XYLB: variants seen among roughly 807,000 people sequenced by gnomAD.
XYLB encodes the protein xylulokinase.
In XYLB, 62 loss-of-function variants were observed where a neutral mutation model predicts 78.7. The observed-to-expected ratio is 0.79, with a 90% CI of 0.64 to 0.97. The LOEUF (loss-of-function observed/expected upper bound fraction) is 0.97. XYLB is among the 50% of genes least tolerant of loss of function. The pLI, the probability that XYLB is intolerant of heterozygous loss-of-function variation, is 0.00. For synonymous variants in XYLB, 245 were observed against 247.4 expected, an observed-to-expected ratio of 0.99 and a Z score of 0.09; for missense variants, 687 against 676.8, an observed-to-expected ratio of 1.02 and a Z score of -0.17.
the XYLB span, among the ~76,000 whole-genome samples, chr3:38,437,633 G>T: frequency 6.6e-6 from 1 of 152,164 alleles, no homozygotes; most frequent in Non-Finnish European, 1.5e-5. Flanking sequence ...TAATGATCTA[G>T]CTGAGAAATA....
chr3:38,422,265 T>C (rs1559630583), downstream of XYLB, among the ~76,000 whole-genome samples: 1 of 152,286 alleles, frequency 6.6e-6, no homozygotes, highest in East Asian at 1.9e-4. Context: ...ATTCAAATTG[T>C]TATATCTACT....
chr3:38,368,767 C>T lies in XYLB; in HGVS notation c.646+510C>T, dbSNP rs191138379. 4.2e-3 allele frequency among the ~76,000 whole-genome samples: 646 copies of T among 152,302 alleles called. 5 individuals carry two copies. Among genetic ancestry groups the T allele is most frequent in the Admixed American group, 6.7e-3 (102 of 15,302 alleles). On this transcript the variant is annotated intron_variant, in intron 8 of 18. Transcript: ENST00000207870. ...GTGCCATCACTTTTGTCTCATCTTA[C>T]TGGTCACACACTAGGTACGGTTGAC...
At chr3:38,357,839 G>A (rs1446970224) in intron 2 of XYLB, among the ~76,000 whole-genome samples, 1 of 151,526 alleles carries the variant, frequency 6.6e-6, no homozygotes, top group Non-Finnish European at 1.5e-5. Context: ...TTAGAGAAAT[G>A]TCTATTAAGA....
intron 2 of XYLB, 140 bp from the exon 3 acceptor site, chr3:38,360,199 T>A (rs1369281618): frequency 2.5e-6 from 2 of 801,300 alleles, no homozygotes; most frequent in African/African-American, 1.7e-5. Context: ...GCCTGTTCAA[T>A]CAACAGTTCC....
At chr3:38,391,308 C>T (rs1707646301) in intron 15 of XYLB, among the ~76,000 whole-genome samples, 1 of 152,156 alleles carries the variant, frequency 6.6e-6, no homozygotes, top group Non-Finnish European at 1.5e-5. Flanking sequence ...GTATCCTCAT[C>T]TTCCCCTCAT....
intron 15 of XYLB, among the ~76,000 whole-genome samples, chr3:38,392,444 C>T (rs1252546198): frequency 6.6e-6 from 1 of 152,016 alleles, no homozygotes; most frequent in Non-Finnish European, 1.5e-5. Flanking sequence ...ATTACAGGCG[C>T]ACACCACCAT....
intron 2 of XYLB, among the ~76,000 whole-genome samples, chr3:38,352,952 C>T (rs1705447501): frequency 6.6e-6 from 1 of 152,322 alleles, no homozygotes; most frequent in African/African-American, 2.4e-5. Context: ...AGGATGGTCT[C>T]GATCTCCCAA....
At chr3:38,442,023 G>A in the XYLB span, among the ~76,000 whole-genome samples, 5 of 152,256 alleles carry the variant, frequency 3.3e-5, no homozygotes, top group Admixed American at 2.0e-4. Context: ...CTGGGTCTCC[G>A]TGATTAGAGT....
At chr3:38,393,434 T>C (rs1707750498) in intron 15 of XYLB, among the ~76,000 whole-genome samples, 1 of 152,210 alleles carries the variant, frequency 6.6e-6, no homozygotes, top group East Asian at 1.9e-4. Context: ...GCATGAACCA[T>C]GGCACCTGAC....
chr3:38,347,012 A>C, intron 1 of XYLB, 87 bp downstream of exon 1: 1 of 1,261,734 alleles, frequency 7.9e-7, no homozygotes, highest in Non-Finnish European at 1.0e-6. Context: ...ACGCGGGAAA[A>C]CATGGGCCCG....
chr3:38,416,097 A>C (rs1166650364), downstream of XYLB, among the ~76,000 whole-genome samples: 1 of 152,184 alleles, frequency 6.6e-6, no homozygotes, highest in African/African-American at 2.4e-5. Context: ...TGGGGATTAC[A>C]ATTCAAGATG....
chr3:38,386,692 T>C (rs752581462), intron 15 of XYLB, among the ~76,000 whole-genome samples: 4 of 152,190 alleles, frequency 2.6e-5, no homozygotes, highest in Admixed American at 2.6e-4. Flanking sequence ...TTTGCACTAA[T>C]ATTATACACT....
At chr3:38,439,896 C>T in the XYLB span, among the ~76,000 whole-genome samples, 2 of 152,174 alleles carry the variant, frequency 1.3e-5, no homozygotes, top group Non-Finnish European at 2.9e-5. Context: ...GTGCAGAGTC[C>T]TCCTTTCTCA....
intron 15 of XYLB, 35 bp downstream of exon 15, chr3:38,379,377 G>T (rs772878968): frequency 2.5e-6 from 4 of 1,605,964 alleles, no homozygotes; most frequent in Non-Finnish European, 3.4e-6. Flanking sequence ...GTCCCGGGGT[G>T]GGGGCTCAGG....
chr3:38,353,234 T>C (rs1215813153), intron 2 of XYLB, among the ~76,000 whole-genome samples: 1 of 152,234 alleles, frequency 6.6e-6, no homozygotes, highest in Non-Finnish European at 1.5e-5. Context: ...AGGTACGTAG[T>C]ATGACATTTG....
chr3:38,400,099 A>G (rs1009708436), intron 17 of XYLB, among the ~76,000 whole-genome samples: 20 of 152,090 alleles, frequency 1.3e-4, no homozygotes, highest in African/African-American at 4.8e-4. Flanking sequence ...TGACGCTACT[A>G]CCTACCTTCC....
chr3:38,438,752 TG>T, the XYLB span, among the ~76,000 whole-genome samples: 1 of 152,184 alleles, frequency 6.6e-6, no homozygotes, highest in Non-Finnish European at 1.5e-5. Context: ...TGCTGCTGGC[TG>T]GGGTGGCCAG....
In XYLB at chr3:38,374,453, C is replaced by A; in HGVS notation, c.848-9C>A. The A allele has an allele frequency of 6.2e-7, 1 of 1,614,070 alleles. No individual in the cohort carries two copies. Among genetic ancestry groups the A allele is most frequent in the Non-Finnish European group, 8.5e-7 (1 of 1,179,970 alleles). On this transcript the variant is annotated splice_polypyrimidine_tract_variant and intron_variant, in intron 10 of 18. Transcript: ENST00000207870. ...GCCAGCTAACCAGAAGCTCCCCTCC[C>A]ATTCTCAGCGTCGCTGGCAGGCATG...
chr3:38,429,789 G>A, the XYLB span, among the ~76,000 whole-genome samples: 1 of 152,144 alleles, frequency 6.6e-6, no homozygotes, highest in East Asian at 1.9e-4. Flanking sequence ...TCCCACCTAT[G>A]AGTGAGAACA....
Sources: allele counts gnomAD v4.1 joint callset (sites outside exome capture counted in the v4.1 genomes callset), GRCh38; gene constraint gnomAD v4.1.1; transcripts MANE v1.5; gene names NCBI Gene and HGNC (gene_info 2026-07-23, HGNC 2026-07-21).